The following TRRAP variants were observed in gnomAD, a reference collection of about 807,000 sequenced individuals.
TRRAP encodes the protein transformation/transcription domain-associated protein.
In TRRAP, 41 loss-of-function variants were observed where a neutral mutation model predicts 438.8. The observed-to-expected ratio is 0.09, with a 90% CI of 0.07 to 0.12. TRRAP has a LOEUF of 0.12. Ranked by LOEUF, TRRAP falls within the 10% of genes least tolerant of loss-of-function variation. The pLI, the probability that TRRAP is intolerant of heterozygous loss-of-function variation, is 1.00. For missense variants in TRRAP, 3,122 were observed against 5,055.1 expected (o/e 0.62, Z 11.60); for synonymous variants, 1,994 against 1,962.9 (o/e 1.02, Z -0.42).
Position 98,976,130 on chromosome 7 carries a change from G to C in TRRAP, c.7840-19G>C. Reference sequence around the variant, plus strand: ...CCCCAGCCCGTGGCCATCTCAGCCTGTTGTCTTTCTGTTCATAGACTGGAG... The same window carrying C: ...CCCCAGCCCGTGGCCATCTCAGCCTCTTGTCTTTCTGTTCATAGACTGGAG... On this transcript the variant is annotated intron_variant, in intron 53 of 72. Coordinates refer to ENST00000456197, the MANE Select transcript of TRRAP (RefSeq NM_001375524.1). This position sits in a 1 kb window ranked among gnomAD's most constrained non-coding sequence, Gnocchi z 4.6. 1 of 1,613,354 alleles carries C rather than the reference G, an allele frequency of 6.2e-7. No individual in the cohort carries two copies. The highest frequency in any genetic ancestry group is 8.5e-7 in the Non-Finnish European group (1 of 1,179,662).
At chr7:98,937,919 A>T (rs1554414661) in intron 30 of TRRAP, 99 bp downstream of exon 30, 2 of 1,340,958 alleles carry the variant, frequency 1.5e-6, no homozygotes, top group Non-Finnish European at 9.7e-7. Context: ...TCACGCCTGT[A>T]ATCCCAGCAC....
At chr7:98,946,036 T>G in intron 33 of TRRAP, 86 bp downstream of exon 33, 1 of 1,306,482 alleles carries the variant, frequency 7.7e-7, no homozygotes, top group Non-Finnish European at 9.9e-7. Flanking sequence ...GGTTCTGTAC[T>G]GGACAGAGTG....
At chr7:98,996,030 T>C (rs1464616232) in intron 67 of TRRAP, among the ~76,000 whole-genome samples, 1 of 116,068 alleles carries the variant, frequency 8.6e-6, no homozygotes, top group East Asian at 2.9e-4. Flanking sequence ...CCCTGTCCCA[T>C]TCACACTCCC....
chr7:98,885,076 A>G (rs1554403753), intron 3 of TRRAP, among the ~76,000 whole-genome samples: 1 of 152,058 alleles, frequency 6.6e-6, no homozygotes, highest in Non-Finnish European at 1.5e-5. Context: ...TCACCCTTAC[A>G]AACTACAAAA....
intron 20 of TRRAP, among the ~76,000 whole-genome samples, chr7:98,918,120 C>CA (rs113483218): frequency 0.18 from 20,864 of 116,088 alleles, 4,745 homozygotes; most frequent in African/African-American, 0.53. Flanking sequence ...GACCCTGTCT[C>CA]AAAAAAAAAA....
At chr7:98,947,496 C>T (rs1791138500) in intron 33 of TRRAP, among the ~76,000 whole-genome samples, 1 of 150,858 alleles carries the variant, frequency 6.6e-6, no homozygotes, top group Non-Finnish European at 1.5e-5. Context: ...CATTCTGTTG[C>T]CCAGGCTGGA....
At chr7:98,979,302 C>G (rs1792807769) in intron 58 of TRRAP, among the ~76,000 whole-genome samples, 1 of 152,196 alleles carries the variant, frequency 6.6e-6, no homozygotes, top group Non-Finnish European at 1.5e-5. Context: ...CACGGACACT[C>G]AAGTCCCTGA....
At chr7:98,985,290 A>G (rs1313111747) in intron 62 of TRRAP, among the ~76,000 whole-genome samples, 1 of 152,242 alleles carries the variant, frequency 6.6e-6, no homozygotes, top group African/African-American at 2.4e-5. Context: ...AGAACTGCTG[A>G]TAACATGGAT....
Position 98,925,230 on chromosome 7 carries a change from A to G in TRRAP, c.2942A>G (p.Lys981Arg), listed in dbSNP as rs781936320. 5 of 1,614,036 alleles carry G rather than the reference A, an allele frequency of 3.1e-6. No homozygotes were observed. Among genetic ancestry groups the G allele is most frequent in the Admixed American group, 1.7e-5 (1 of 59,996 alleles). Reference sequence around the variant, plus strand: ...GCCATGATGAGCCTGGAGGACAACAAGCACGCACTCTACCAGCTCCTGGCA... The same window carrying G: ...GCCATGATGAGCCTGGAGGACAACAGGCACGCACTCTACCAGCTCCTGGCA... ...LVAMMSLEDN[K>R]HALYQLLAHP... Residue 981 changes from lysine to arginine, a missense_variant, in exon 22 of 73, where the codon AAG becomes AGG. This residue lies in a region of TRRAP where 133 missense variants were observed against 188.6 expected (regional missense o/e 0.71). Coordinates refer to ENST00000456197, the MANE Select transcript of TRRAP (RefSeq NM_001375524.1).
chr7:98,945,636 T>C, intron 31 of TRRAP, 111 bp from the exon 32 acceptor site: 2 of 1,221,194 alleles, frequency 1.6e-6, no homozygotes, highest in South Asian at 2.9e-5. Context: ...TGATAATTTG[T>C]GTCTTTACTG....
intron 45 of TRRAP, 144 bp downstream of exon 45, chr7:98,959,634 G>T: frequency 1.6e-6 from 2 of 1,231,494 alleles, no homozygotes; most frequent in Non-Finnish European, 1.1e-6. Flanking sequence ...GCCAGTCATG[G>T]CCTCTCCCAC....
At position 98,956,495 on chromosome 7, in the gene TRRAP, G is replaced by A; in HGVS notation, c.6193G>A (p.Val2065Met). The change falls in exon 43 of 73, where the codon GTG becomes ATG. Residue 2065 changes from valine (V) to methionine (M), a missense_variant. Physicochemically the swap from Val to Met is conservative, Grantham distance 21 (BLOSUM62 1). Around this residue, in one of 24 missense-constraint regions of TRRAP, gnomAD observed 992 missense variants for 1,281.2 expected, o/e 0.77. Transcript: ENST00000456197. The surrounding 1 kb of genome is among the most constrained non-coding windows in gnomAD (Gnocchi z 4.5). ...RGLSVDSAQE[V>M]KRFRTATGAI... ...CCTGTCCGTGGATTCTGCCCAGGAA[G>A]TGAAACGCTTTAGGACGGCCACCGG... 8 of 1,614,228 alleles carry A rather than the reference G, an allele frequency of 5.0e-6. No homozygotes were observed. The highest frequency in any genetic ancestry group is 6.8e-6 in the Non-Finnish European group (8 of 1,180,048).
intron 5 of TRRAP, among the ~76,000 whole-genome samples, chr7:98,892,828 C>A (rs535637438): frequency 6.6e-6 from 1 of 152,210 alleles, no homozygotes; most frequent in Non-Finnish European, 1.5e-5. Context: ...GGCTCACTTG[C>A]ATTGTTCTTT....
At chr7:98,884,446 G>T (rs922153871) in intron 3 of TRRAP, among the ~76,000 whole-genome samples, 11 of 152,034 alleles carry the variant, frequency 7.2e-5, no homozygotes, top group African/African-American at 2.4e-4. Flanking sequence ...TGTTGCCCAG[G>T]CTGGTCAGGA....
intron 64 of TRRAP, among the ~76,000 whole-genome samples, chr7:98,991,591 A>T (rs1188359500): frequency 6.6e-6 from 1 of 152,196 alleles, no homozygotes. Context: ...TTTCATGGGC[A>T]CATTCTGAAA....
In TRRAP at chr7:98,970,137, G is replaced by T; in HGVS notation, c.7538G>T (p.Ser2513Ile). ...CTGCTTCTGGCCGTGTGTGAGAAGAGCACCCCCATTGGCACCAGCTGCCAA... is the reference window on the plus strand; with the variant it reads ...CTGCTTCTGGCCGTGTGTGAGAAGATCACCCCCATTGGCACCAGCTGCCAA... ...IELLLAVCEK[S>I]TPIGTSCQGA... is the part of the protein sequence containing the mutation. The change falls in exon 52 of 73, where the codon AGC becomes ATC. Residue 2513 changes from serine to isoleucine, a missense_variant. Physicochemically the swap from Ser to Ile is moderately radical, Grantham distance 142 (BLOSUM62 -2). Transcript: ENST00000456197. 1 of 1,613,826 alleles carries T rather than the reference G, an allele frequency of 6.2e-7. No homozygotes were observed. The highest frequency in any genetic ancestry group is 8.5e-7 in the Non-Finnish European group (1 of 1,179,998).
chr7:98,960,605 T>G (rs1427593857), intron 45 of TRRAP, among the ~76,000 whole-genome samples: 1 of 152,120 alleles, frequency 6.6e-6, no homozygotes, highest in Non-Finnish European at 1.5e-5. Flanking sequence ...TTTTGTTTCG[T>G]TTTTTTGAGA....
rs373885246 is a variant in TRRAP at position 98,984,362 on chromosome 7, C to A, written c.9288+4C>A. On this transcript the variant is annotated splice_donor_region_variant and intron_variant, in intron 61 of 72. Transcript: ENST00000456197. ...GGGCAAAAACGAGTGCATGCAGGTG[C>A]GGACAGGACACTTGAAGAATGAGGC... 1.6e-4 allele frequency: 244 copies of A among 1,551,310 alleles called. No individual in the cohort carries two copies. The highest frequency in any genetic ancestry group is 2.0e-4 in the Non-Finnish European group (235 of 1,147,566).
intron 18 of TRRAP, among the ~76,000 whole-genome samples, chr7:98,913,256 C>A (rs940758824): frequency 3.3e-5 from 5 of 152,048 alleles, no homozygotes; most frequent in Non-Finnish European, 7.4e-5. Context: ...ACAGTTACAT[C>A]AACAGTTGTC....
Sources: gnomAD v4.1 joint callset for allele counts (sites outside exome capture counted in the v4.1 genomes callset) on GRCh38, gnomAD v4.1.1 for gene constraint, gnomAD v4.1.1 regional missense constraint, Gnocchi (gnomAD v3.1) non-coding constraint, MANE v1.5 for transcripts, NCBI Gene and HGNC (gene_info 2026-07-23, HGNC 2026-07-21) for gene names.